The following SNTG1 variants were observed in gnomAD, a reference collection of about 807,000 sequenced individuals.
SNTG1 encodes syntrophin gamma 1, also known as gamma-1-syntrophin.
Under a neutral mutation model 74.7 loss-of-function variants are expected in SNTG1, and 39 were observed. The observed-to-expected ratio is 0.52, with a 90% confidence interval of 0.40 to 0.68. The LOEUF is 0.68. Among genes scored for constraint, SNTG1 ranks in the 30% least tolerant of loss-of-function variants. SNTG1 has a pLI of 0.00. For synonymous variants in SNTG1, 254 were observed against 217.1 expected (o/e 1.17, Z -1.49); for missense variants, 685 against 609.5 (o/e 1.12, Z -1.30).
intron 2 of SNTG1, among the ~76,000 whole-genome samples, chr8:50,366,381 T>C (rs557820017): frequency 6.6e-6 from 1 of 152,248 alleles, no homozygotes; most frequent in South Asian, 2.1e-4. Flanking sequence ...TTTAAATTGG[T>C]ATTTTTCAAA....
intron 8 of SNTG1, 131 bp downstream of exon 8, chr8:50,450,860 T>A (rs1489962068): frequency 1.1e-6 from 1 of 887,412 alleles, no homozygotes; most frequent in Non-Finnish European, 1.7e-6. Flanking sequence ...AATTTTCAAA[T>A]GTTCTCTTAA....
chr8:50,260,934 A>C (rs1445627557), intron 2 of SNTG1, among the ~76,000 whole-genome samples: 1 of 152,138 alleles, frequency 6.6e-6, no homozygotes, highest in Non-Finnish European at 1.5e-5. Context: ...CACATGCATA[A>C]TGGGAATACT....
At chr8:50,288,902 T>C (rs2088933777) in intron 2 of SNTG1, among the ~76,000 whole-genome samples, 1 of 152,180 alleles carries the variant, frequency 6.6e-6, no homozygotes, top group Non-Finnish European at 1.5e-5. Flanking sequence ...TATCCTTTTC[T>C]TGGTGAAGGC....
chr8:50,682,524 T>C (rs1177480048), intron 15 of SNTG1, among the ~76,000 whole-genome samples: 1 of 152,098 alleles, frequency 6.6e-6, no homozygotes, highest in Non-Finnish European at 1.5e-5. Context: ...AACTTTAAAA[T>C]AGAGAATCAA....
At chr8:50,660,305 AAGAG>A (rs1418300691) in intron 15 of SNTG1, among the ~76,000 whole-genome samples, 12 of 150,276 alleles carry the variant, frequency 8.0e-5, no homozygotes, top group Admixed American at 4.6e-4. Context: ...AAGAGAAAGA[AAGAG>A]AGACAGTAAG....
chr8:50,537,059 G>A (rs547314932), intron 11 of SNTG1, among the ~76,000 whole-genome samples: 16 of 152,216 alleles, frequency 1.1e-4, no homozygotes, highest in Non-Finnish European at 1.8e-4. Context: ...GTTTTATTAA[G>A]TTTTCATATT....
intron 2 of SNTG1, among the ~76,000 whole-genome samples, chr8:50,389,858 G>A (rs1251210647): frequency 6.6e-6 from 1 of 152,068 alleles, no homozygotes; most frequent in Non-Finnish European, 1.5e-5. Context: ...TTTTTCATGT[G>A]CCTTTTGGCT....
At chr8:50,770,359 C>T (rs894784047) in intron 18 of SNTG1, among the ~76,000 whole-genome samples, 4 of 152,042 alleles carry the variant, frequency 2.6e-5, no homozygotes, top group African/African-American at 9.7e-5. Context: ...AAAAACAAAA[C>T]AAGCTTCAAG....
At chr8:50,740,785 T>C (rs1430470387) in intron 17 of SNTG1, among the ~76,000 whole-genome samples, 1 of 152,018 alleles carries the variant, frequency 6.6e-6, no homozygotes, top group African/African-American at 2.4e-5. Context: ...GTGGTGTATA[T>C]ACACCATGGA....
chr8:50,197,560 T>C lies in SNTG1; in HGVS notation c.-28+24925T>C, dbSNP rs79765801. 2.1e-4 allele frequency among the ~76,000 whole-genome samples: 32 copies of C among 152,306 alleles called. No individual in the cohort carries two copies. The East Asian group carries it at 6.0e-3, about 28-fold the overall frequency. On this transcript the variant is annotated intron_variant, in intron 2 of 18. Transcript: ENST00000642720. ...CACCAGAATGAATATCCTTGCATACTTTCCCTTGTGTGAGAATATCTTTGG... is the reference window on the plus strand; with the variant it reads ...CACCAGAATGAATATCCTTGCATACCTTCCCTTGTGTGAGAATATCTTTGG...
chr8:50,210,210 A>G (rs2084450043), intron 2 of SNTG1, among the ~76,000 whole-genome samples: 1 of 152,210 alleles, frequency 6.6e-6, no homozygotes, highest in Admixed American at 6.5e-5. Context: ...CAAAGCCTCC[A>G]AGAAATATGG....
At chr8:50,074,560 A>G (rs566891857) in intron 1 of SNTG1, among the ~76,000 whole-genome samples, 1 of 152,344 alleles carries the variant, frequency 6.6e-6, no homozygotes, top group East Asian at 1.9e-4. Flanking sequence ...TTAAGTTTGA[A>G]GTTGTATATG....
At chr8:50,706,165 G>A (rs1199871684) in intron 16 of SNTG1, among the ~76,000 whole-genome samples, 1 of 152,070 alleles carries the variant, frequency 6.6e-6, no homozygotes, top group Non-Finnish European at 1.5e-5. Context: ...TAATTGTTCA[G>A]TTGACTCTTT....
At chr8:49,946,200 T>C (rs1183254287) in intron 1 of SNTG1, among the ~76,000 whole-genome samples, 1 of 152,206 alleles carries the variant, frequency 6.6e-6, no homozygotes, top group Non-Finnish European at 1.5e-5. Context: ...TGAGTTACTG[T>C]CAGCATTCTT....
chr8:50,531,710 G>T (rs529126183), intron 10 of SNTG1, among the ~76,000 whole-genome samples: 2 of 152,246 alleles, frequency 1.3e-5, no homozygotes, highest in South Asian at 4.1e-4. Context: ...GTCCTCAGAG[G>T]TTGTTCCTGA....
intron 2 of SNTG1, among the ~76,000 whole-genome samples, chr8:50,214,870 T>C (rs1056907512): frequency 6.6e-6 from 1 of 152,170 alleles, no homozygotes; most frequent in Non-Finnish European, 1.5e-5. Context: ...CTGAGGATAC[T>C]ATAGAATAGT....
chr8:50,269,769 G>T (rs1195211760), intron 2 of SNTG1, among the ~76,000 whole-genome samples: 1 of 152,038 alleles, frequency 6.6e-6, no homozygotes, highest in Admixed American at 6.6e-5. Context: ...TTCCTTCAAG[G>T]ATTCTGTAAG....
At chr8:50,534,824 T>C (rs537722715) in intron 10 of SNTG1, among the ~76,000 whole-genome samples, 1 of 152,204 alleles carries the variant, frequency 6.6e-6, no homozygotes, top group South Asian at 2.1e-4. Flanking sequence ...AATATGAACA[T>C]AGTAATAGCT....
intron 9 of SNTG1, among the ~76,000 whole-genome samples, chr8:50,521,640 G>A (rs1418258171): frequency 6.6e-6 from 1 of 151,992 alleles, no homozygotes; most frequent in African/African-American, 2.4e-5. Flanking sequence ...TAATCTTCTT[G>A]GGGGATTTTA....
Sources: allele counts gnomAD v4.1 joint callset (sites outside exome capture counted in the v4.1 genomes callset), GRCh38; gene constraint gnomAD v4.1.1; transcripts MANE v1.5; gene names NCBI Gene and HGNC (gene_info 2026-07-23, HGNC 2026-07-21).